MEIS2: variants seen among roughly 807,000 people sequenced by gnomAD.
MEIS2 encodes the protein homeobox protein Meis2.
MEIS2 carries 9 observed loss-of-function variants against 58.6 expected under a neutral mutation model. That is an observed-to-expected ratio of 0.15 (90% confidence interval 0.09 to 0.27). The LOEUF (loss-of-function observed/expected upper bound fraction) is 0.27. Among genes scored for constraint, MEIS2 ranks in the 10% least tolerant of loss-of-function variants. The pLI is 1.00. For synonymous variants in MEIS2, 221 were observed against 228.4 expected (o/e 0.97, Z 0.29); for missense variants, 427 against 635.0 (o/e 0.67, Z 3.52).
At chr15:37,055,959 T>C (rs1363091505) in intron 7 of MEIS2, among the ~76,000 whole-genome samples, 1 of 152,178 alleles carries the variant, frequency 6.6e-6, no homozygotes, top group Non-Finnish European at 1.5e-5. Context: ...ACATAAAATA[T>C]CTGTCCCATC....
chr15:36,892,319 G>T lies in MEIS2; in HGVS notation c.1288C>A (p.Pro430Thr). The change falls in exon 12 of 12, where the codon CCA (proline) becomes ACA (threonine). Residue 430 changes from proline to threonine, a missense_variant. Coordinates refer to ENST00000561208, the MANE Select transcript of MEIS2 (RefSeq NM_170675.5). ...ATGGCTGGGTGGTGGGGATGGCTTG[G>T]CAAATATGAATGCATTGGGGGTCCA... is the stretch of plus-strand genomic sequence containing the variant. ...RHGPPMHSYL[P>T]SHPHHPAMMM... The T allele has an allele frequency of 6.2e-7, 1 of 1,613,750 alleles. No homozygotes were observed. The highest frequency in any genetic ancestry group is 8.5e-7 in the Non-Finnish European group (1 of 1,179,902).
At chr15:36,964,730 T>A (rs1453250658) in intron 8 of MEIS2, among the ~76,000 whole-genome samples, 1 of 152,152 alleles carries the variant, frequency 6.6e-6, no homozygotes, top group Non-Finnish European at 1.5e-5. Flanking sequence ...CCCTAGTGGA[T>A]AAACATTTGA....
chr15:37,058,099 G>A (rs1888690635), intron 7 of MEIS2, among the ~76,000 whole-genome samples: 1 of 152,004 alleles, frequency 6.6e-6, no homozygotes, highest in South Asian at 2.1e-4. Flanking sequence ...GAAGATCATC[G>A]CTACTGGGAA....
chr15:36,966,380 T>C (rs2059357561), intron 8 of MEIS2, among the ~76,000 whole-genome samples: 1 of 152,214 alleles, frequency 6.6e-6, no homozygotes, highest in African/African-American at 2.4e-5. Context: ...GGAATAATTT[T>C]ACAGTAACTT....
chr15:36,990,673 C>T (rs1014607526), intron 8 of MEIS2, among the ~76,000 whole-genome samples: 2 of 151,730 alleles, frequency 1.3e-5, no homozygotes, highest in African/African-American at 4.8e-5. Context: ...ATGTAATTCA[C>T]ATAACATACA....
chr15:36,952,306 T>G (rs1303251781), intron 8 of MEIS2, among the ~76,000 whole-genome samples: 2 of 152,164 alleles, frequency 1.3e-5, no homozygotes, highest in East Asian at 1.9e-4. Flanking sequence ...CCTGCCAAAT[T>G]CAGGGGAGTT....
At chr15:36,895,365 G>T in intron 10 of MEIS2, 104 bp from the exon 11 acceptor site, 2 of 947,834 alleles carry the variant, frequency 2.1e-6, no homozygotes, top group South Asian at 1.5e-5. Flanking sequence ...GCAACAATGT[G>T]GTTGGCACTC....
intron 8 of MEIS2, among the ~76,000 whole-genome samples, chr15:37,013,633 T>C (rs2061244634): frequency 6.7e-6 from 1 of 148,550 alleles, no homozygotes; most frequent in Non-Finnish European, 1.5e-5. Flanking sequence ...ATATAATACA[T>C]ATATATATTC....
intron 8 of MEIS2, among the ~76,000 whole-genome samples, chr15:36,967,294 G>A (rs2059387385): frequency 6.6e-6 from 1 of 152,150 alleles, no homozygotes; most frequent in Non-Finnish European, 1.5e-5. Context: ...GGTCTTAAAA[G>A]TGATTTTTTA....
At chr15:36,946,734 A>G (rs1483621853) in intron 9 of MEIS2, among the ~76,000 whole-genome samples, 3 of 151,986 alleles carry the variant, frequency 2.0e-5, no homozygotes, top group Non-Finnish European at 4.4e-5. Flanking sequence ...TATATGAGAT[A>G]TATATGACCA....
At chr15:36,913,645 T>A (rs1256041093) in intron 9 of MEIS2, among the ~76,000 whole-genome samples, 3 of 152,152 alleles carry the variant, frequency 2.0e-5, no homozygotes, top group Non-Finnish European at 4.4e-5. Context: ...TACATGCACA[T>A]ACATTGAATT....
chr15:36,936,074 T>G (rs2141346576), intron 9 of MEIS2, among the ~76,000 whole-genome samples: 1 of 152,012 alleles, frequency 6.6e-6, no homozygotes, highest in East Asian at 1.9e-4. Context: ...CTGTCTGCAT[T>G]TATTCGATAA....
At chr15:36,956,021 C>CA (rs757524401) in intron 8 of MEIS2, among the ~76,000 whole-genome samples, 6,130 of 46,628 alleles carry the variant, frequency 0.13, 617 homozygotes, top group East Asian at 0.36. Context: ...ACTAAAAATA[C>CA]AAAAAAAAAA....
chr15:37,097,399 AAG>A lies in MEIS2; in HGVS notation c.245+566_245+567del, dbSNP rs369646905. 6 of 152,502 alleles carry A rather than the reference AAG, an allele frequency of 3.9e-5. 2 individuals are homozygous for A. Among genetic ancestry groups the A allele is most frequent in the African/African-American group, 1.4e-4 (6 of 41,566 alleles). 9.4% of individuals were successfully genotyped at this position (152,502 alleles called of 1,614,324 possible). A position where few individuals can be genotyped will look rare whatever the true frequency, so the allele number is the denominator to read the frequency against. ...CCCCTAAGAGCGGCTCCAAGCAAGC[AAG>A]AGTCCCTTCCACCTCGCTGCACTTC... On this transcript the variant is annotated intron_variant, in intron 2 of 11. Coordinates refer to ENST00000561208, the MANE Select transcript of MEIS2 (RefSeq NM_170675.5).
At chr15:37,066,840 G>A (rs1479673240) in intron 7 of MEIS2, among the ~76,000 whole-genome samples, 1 of 152,160 alleles carries the variant, frequency 6.6e-6, no homozygotes, top group East Asian at 1.9e-4. Flanking sequence ...GCAGTGGTGT[G>A]ATCATAGCTC....
At chr15:37,099,171 A>G in intron 1 of MEIS2, 1 of 1,261,166 alleles carries the variant, frequency 7.9e-7, no homozygotes, top group Non-Finnish European at 1.0e-6. Flanking sequence ...ACGATTGCAC[A>G]CGCACACACA....
At chr15:36,947,986 G>A (rs905296686) in intron 9 of MEIS2, among the ~76,000 whole-genome samples, 1 of 151,874 alleles carries the variant, frequency 6.6e-6, no homozygotes, top group African/African-American at 2.4e-5. Context: ...AGAAGTTTGG[G>A]CCCTACATTA....
At position 37,099,759 on chromosome 15, in the gene MEIS2, T is replaced by G; in HGVS notation, c.-293A>C. The G allele has an allele frequency of 3.0e-6, 1 of 329,058 alleles. No individual in the cohort carries two copies. Among genetic ancestry groups the G allele is most frequent in the Non-Finnish European group, 5.3e-6 (1 of 187,934 alleles). The allele number at this position is 329,058 out of a possible 1,614,324, so 20.4% of individuals were successfully genotyped here. A position where few individuals can be genotyped will look rare whatever the true frequency, so the allele number is the denominator to read the frequency against. On this transcript the variant is annotated 5_prime_UTR_variant, in exon 1 of 12. Coordinates refer to ENST00000561208, the MANE Select transcript of MEIS2 (RefSeq NM_170675.5). ...CCTCCCCCCTCCCCTCCTCCTCCTC[T>G]TCGGTCCTCCTTTCCCCCTCTTTCT...
chr15:37,077,442 A>G (rs1385527288), intron 7 of MEIS2, among the ~76,000 whole-genome samples: 1 of 152,128 alleles, frequency 6.6e-6, no homozygotes, highest in African/African-American at 2.4e-5. Flanking sequence ...AGTTTCAAGA[A>G]AAATTAATCA....
Sources: gnomAD v4.1 joint callset for allele counts (sites outside exome capture counted in the v4.1 genomes callset) on GRCh38, gnomAD v4.1.1 for gene constraint, MANE v1.5 for transcripts, NCBI Gene and HGNC (gene_info 2026-07-23, HGNC 2026-07-21) for gene names.